GRPEL1: variants seen among roughly 807,000 people sequenced by gnomAD.
GRPEL1 encodes the protein GrpE like 1, mitochondrial.
A neutral mutation model predicts 22.1 loss-of-function variants in GRPEL1; 13 were observed. The observed-to-expected ratio is 0.59, with a 90% CI of 0.38 to 0.94. The LOEUF (loss-of-function observed/expected upper bound fraction) is 0.94. GRPEL1 is among the 40% of genes least tolerant of loss of function. The pLI is 0.00. For missense variants in GRPEL1, 289 were observed against 264.6 expected, an observed-to-expected ratio of 1.09 and a Z score of -0.64; for synonymous variants, 109 against 105.3, an observed-to-expected ratio of 1.03 and a Z score of -0.21.
intron 2 of GRPEL1, among the ~76,000 whole-genome samples, chr4:7,063,786 T>C (rs1724097205): frequency 6.6e-6 from 1 of 152,240 alleles, no homozygotes; most frequent in African/African-American, 2.4e-5. Flanking sequence ...ACAACCATAC[T>C]GAGCATTCCT....
At chr4:7,067,738 T>TC (rs1347623656) in intron 1 of GRPEL1, among the ~76,000 whole-genome samples, 1 of 152,300 alleles carries the variant, frequency 6.6e-6, no homozygotes, top group African/African-American at 2.4e-5. Flanking sequence ...TGCGGTCCTC[T>TC]CCTCCTGACA....
Position 7,059,056 on chromosome 4 carries a change from C to T in GRPEL1, c.*1806G>A, listed in dbSNP as rs1723967294. On this transcript the variant is annotated 3_prime_UTR_variant, in exon 4 of 4. Coordinates refer to ENST00000264954, the MANE Select transcript of GRPEL1 (RefSeq NM_025196.4). Reference sequence around the variant, plus strand: ...CCTAGGTGTGGAGGAGGCTCCACCACCTGTTTTTTAGGTCCATGTAGGTAC... The same window carrying T: ...CCTAGGTGTGGAGGAGGCTCCACCATCTGTTTTTTAGGTCCATGTAGGTAC... The T allele has an allele frequency of 6.6e-6, 1 of 152,190 alleles. No homozygotes were observed. The highest frequency in any genetic ancestry group is 2.1e-4 in the South Asian group (1 of 4,832). 9.4% of individuals were successfully genotyped at this position (152,190 alleles called of 1,614,324 possible). A position where few individuals can be genotyped will look rare whatever the true frequency, so the allele number is the denominator to read the frequency against.
chr4:7,061,308 T>C (rs1192828298), intron 3 of GRPEL1, 100 bp from the exon 4 acceptor site: 1 of 886,822 alleles, frequency 1.1e-6, no homozygotes, highest in African/African-American at 1.7e-5. Flanking sequence ...ATTTAGTAAC[T>C]TGTCAAATCA....
At chr4:7,065,054 C>T (rs1560401397) in intron 1 of GRPEL1, among the ~76,000 whole-genome samples, 1 of 152,178 alleles carries the variant, frequency 6.6e-6, no homozygotes, top group Non-Finnish European at 1.5e-5. Flanking sequence ...CCTCCTCTTT[C>T]CATTCTAAGG....
Position 7,060,779 on chromosome 4 carries a change from ACG to A in GRPEL1, c.*81_*82del, listed in dbSNP as rs1724022064. 4.0e-6 allele frequency: 5 copies of A among 1,250,430 alleles called. No individual in the cohort carries two copies. The Admixed American group carries it at 6.5e-5, about 16-fold the overall frequency. The allele number at this position is 1,250,430 out of a possible 1,614,324, so 77.5% of individuals were successfully genotyped here. On this transcript the variant is annotated 3_prime_UTR_variant, in exon 4 of 4. Transcript: ENST00000264954. Reference sequence around the variant, plus strand: ...CCAATAAGGTTTGGGAAAAGGTCACACGTACTCATAGATGAGAAACAATGAAC... The same window carrying A: ...CCAATAAGGTTTGGGAAAAGGTCACATACTCATAGATGAGAAACAATGAAC...
intron 1 of GRPEL1, among the ~76,000 whole-genome samples, chr4:7,065,856 C>CTTTT (rs11449578): frequency 7.0e-6 from 1 of 142,114 alleles, no homozygotes. Flanking sequence ...CAGAGGACCT[C>CTTTT]TTTTTTTTTT....
rs559897195 is a variant in GRPEL1, at chr4:7,062,296, G to A, written c.307+89C>T. 5.5e-4 allele frequency: 265 copies of A among 478,260 alleles called. 5 individuals carry two copies. Among genetic ancestry groups the A allele is most frequent in the Non-Finnish European group, 8.8e-4 (225 of 254,798 alleles). The allele number at this position is 478,260 out of a possible 1,614,324, so 29.6% of individuals were successfully genotyped here. On this transcript the variant is annotated intron_variant, in intron 3 of 3. Coordinates refer to ENST00000264954, the MANE Select transcript of GRPEL1 (RefSeq NM_025196.4). ...GCTGGACCCCCCACCCCACAGCCTT[G>A]CTCTCTGACACTTCCGTATGCATGG...
In GRPEL1 at chr4:7,062,333, C is replaced by T. The variant is rs776926708; in HGVS notation, c.307+52G>A. ...TTCCGTATGCATGGCCTTCCCCTTC[C>T]CCACCCCATTATCTTCTTTCCGGAA... On this transcript the variant is annotated intron_variant, in intron 3 of 3. Transcript: ENST00000264954. 4 of 955,998 alleles carry T rather than the reference C, an allele frequency of 4.2e-6. No individual in the cohort carries two copies. In the African/African-American group the frequency reaches 4.9e-5, roughly 12 times the overall value. 59.2% of individuals were successfully genotyped at this position (955,998 alleles called of 1,614,324 possible). A position where few individuals can be genotyped will look rare whatever the true frequency, so the allele number is the denominator to read the frequency against.
chr4:7,065,493 G>A (rs1290888557), intron 1 of GRPEL1, among the ~76,000 whole-genome samples: 2 of 146,810 alleles, frequency 1.4e-5, no homozygotes, highest in African/African-American at 5.1e-5. Context: ...CAGCCTGGGC[G>A]ACAAGAGGGA....
In GRPEL1 at chr4:7,061,030, C is replaced by T; in HGVS notation, c.486G>A (p.Lys162=). The T allele has an allele frequency of 6.2e-7, 1 of 1,614,220 alleles. No homozygotes were observed. The highest frequency in any genetic ancestry group is 8.5e-7 in the Non-Finnish European group (1 of 1,180,044). The change falls in exon 4 of 4, where the codon AAG becomes AAA. Residue 162 remains lysine (K), a synonymous_variant. Coordinates refer to ENST00000264954, the MANE Select transcript of GRPEL1 (RefSeq NM_025196.4). ...CGAACTTGGCTCCGACAGGGTTCAA[C>T]TTGAGCAAGCCATGCTTTGTGAACA... ...QKVFTKHGLL[K]LNPVGAKFDP...
intron 1 of GRPEL1, among the ~76,000 whole-genome samples, chr4:7,066,149 G>A (rs1358910021): frequency 6.6e-6 from 1 of 152,168 alleles, no homozygotes; most frequent in Non-Finnish European, 1.5e-5. Context: ...AGTCCTATCT[G>A]AGAATAAGCT....
At chr4:7,064,479 G>A (rs1220709353) in intron 1 of GRPEL1, 1 of 302,738 alleles carries the variant, frequency 3.3e-6, no homozygotes, top group Non-Finnish European at 6.0e-6. Flanking sequence ...TTTAGAGACA[G>A]GATTGGTCTC....
intron 2 of GRPEL1, 126 bp from the exon 3 acceptor site, chr4:7,062,592 A>G: frequency 4.6e-6 from 1 of 216,508 alleles, no homozygotes; most frequent in Non-Finnish European, 8.6e-6. Flanking sequence ...GCTCACTGCA[A>G]GCTCCGCCTC....
intron 1 of GRPEL1, among the ~76,000 whole-genome samples, chr4:7,067,717 G>A (rs961574409): frequency 4.6e-5 from 7 of 152,218 alleles, no homozygotes; most frequent in African/African-American, 1.7e-4. Flanking sequence ...CGAGCCAAAC[G>A]CCCCCCGCGC....
chr4:7,066,047 G>A (rs567867411), intron 1 of GRPEL1, among the ~76,000 whole-genome samples: 7 of 152,158 alleles, frequency 4.6e-5, no homozygotes, highest in African/African-American at 9.6e-5. Flanking sequence ...TAGTAGAGAC[G>A]GGGTTTCACT....
chr4:7,067,863 C>T, intron 1 of GRPEL1, 108 bp downstream of exon 1: 1 of 1,196,204 alleles, frequency 8.4e-7, no homozygotes. Context: ...CGGAGATGCC[C>T]AGCTCCGGGG....
At position 7,068,002 on chromosome 4, in the gene GRPEL1, G is replaced by T. The variant is rs148121472; in HGVS notation, c.31C>A (p.Arg11Ser). Residue 11 changes from arginine (R) to serine (S), a missense_variant, in exon 1 of 4, where the codon CGC becomes AGC. By Grantham distance (110) the Arg-to-Ser change is moderately radical (BLOSUM62 -1). Coordinates refer to ENST00000264954, the MANE Select transcript of GRPEL1 (RefSeq NM_025196.4). Reference protein sequence around the residue: MAAQCVRLARRSLPALALSLR... With the variant: MAAQCVRLARSSLPALALSLR... ...GACAACGCCAAAGCAGGAAGACTGC[G>T]CCGCGCCAACCTCACGCACTGAGCC... is the stretch of plus-strand genomic sequence containing the variant. 1 of 1,613,144 alleles carries T rather than the reference G, an allele frequency of 6.2e-7. No homozygotes were observed. The highest frequency in any genetic ancestry group is 1.3e-5 in the African/African-American group (1 of 74,936).
In GRPEL1 at chr4:7,064,193, C is replaced by T. The variant is rs772346740; in HGVS notation, c.93G>A (p.Thr31=). The part of the protein sequence containing the change: ...RPSPRLLCTA[T]KQKNSGQNLE... Reference sequence around the variant, plus strand: ...GGTTCTGGCCACTGTTCTTTTGTTTCGTGGCTGTGCACAACAACCGGGGAG... The same window carrying T: ...GGTTCTGGCCACTGTTCTTTTGTTTTGTGGCTGTGCACAACAACCGGGGAG... Residue 31 remains threonine, a synonymous_variant, in exon 2 of 4, where the codon ACG becomes ACA. Transcript: ENST00000264954. 31 of 1,613,898 alleles carry T rather than the reference C, an allele frequency of 1.9e-5. No homozygotes were observed. Among genetic ancestry groups the T allele is most frequent in the South Asian group, 5.5e-5 (5 of 91,060 alleles).
Position 7,060,851 on chromosome 4 carries a change from A to G in GRPEL1, c.*11T>C. 6.2e-7 allele frequency: 1 copy of G among 1,600,456 alleles called. No individual in the cohort carries two copies. Among genetic ancestry groups the G allele is most frequent in the South Asian group, 1.1e-5 (1 of 89,328 alleles). The stretch of plus-strand genomic sequence containing the variant: ...AAGTGAGTTTAAAAACACCCACCCC[A>G]TCAACAGCAGCTAAGCTTCCTTCAC... On this transcript the variant is annotated 3_prime_UTR_variant, in exon 4 of 4. Coordinates refer to ENST00000264954, the MANE Select transcript of GRPEL1 (RefSeq NM_025196.4).
Sources: gnomAD v4.1 joint callset for allele counts (sites outside exome capture counted in the v4.1 genomes callset) on GRCh38, gnomAD v4.1.1 for gene constraint, MANE v1.5 for transcripts, NCBI Gene and HGNC (gene_info 2026-07-23, HGNC 2026-07-21) for gene names.